Variants in ADAMTS3 observed in about 807,000 individuals in gnomAD.
The protein encoded by ADAMTS3 is ADAM metallopeptidase with thrombospondin type 1 motif 3.
In ADAMTS3, 73 loss-of-function variants were observed where a neutral mutation model predicts 129.0. The ratio of observed to expected loss-of-function variants is 0.57; its 90% CI spans 0.47 to 0.69. ADAMTS3 has a LOEUF of 0.69. ADAMTS3 is among the 30% of genes least tolerant of loss of function. ADAMTS3 has a pLI of 0.00. For missense variants in ADAMTS3, 1,457 were observed against 1,514.5 expected (o/e 0.96, Z 0.63); for synonymous variants, 477 against 510.8 (o/e 0.93, Z 0.89).
Position 72,283,032 on chromosome 4 carries a change from C to T in ADAMTS3, c.*104G>A, listed in dbSNP as rs1718393000. On this transcript the variant is annotated 3_prime_UTR_variant, in exon 22 of 22. Transcript: ENST00000286657. ...TTCTTCCAATTACAGATAAAATGAG[C>T]TGACGATCTATAGAGATTTCCACTT... 1 of 986,238 alleles carries T rather than the reference C, an allele frequency of 1.0e-6. No individual in the cohort carries two copies. Among genetic ancestry groups the T allele is most frequent in the African/African-American group, 1.6e-5 (1 of 61,300 alleles). 61.1% of individuals were successfully genotyped at this position (986,238 alleles called of 1,614,324 possible). A position where few individuals can be genotyped will look rare whatever the true frequency, so the allele number is the denominator to read the frequency against.
At chr4:72,531,742 AC>A (rs923703132) in intron 3 of ADAMTS3, among the ~76,000 whole-genome samples, 3 of 152,160 alleles carry the variant, frequency 2.0e-5, no homozygotes, top group African/African-American at 7.2e-5. Context: ...CCACCAAATA[AC>A]AGCACCAATA....
At chr4:72,418,939 C>A (rs62319883) in intron 3 of ADAMTS3, among the ~76,000 whole-genome samples, 11,526 of 152,192 alleles carry the variant, frequency 0.076, 560 homozygotes, top group Non-Finnish European at 0.1. Context: ...TTTTCTTTTT[C>A]TTTTTCTATT....
chr4:72,403,144 T>A (rs925870487), intron 4 of ADAMTS3, among the ~76,000 whole-genome samples: 2 of 152,064 alleles, frequency 1.3e-5, no homozygotes, highest in Non-Finnish European at 2.9e-5. Flanking sequence ...TTTCCTTTGT[T>A]TTTGCCAAGA....
At chr4:72,415,929 G>A (rs918809476) in intron 3 of ADAMTS3, among the ~76,000 whole-genome samples, 2 of 151,550 alleles carry the variant, frequency 1.3e-5, no homozygotes, top group Non-Finnish European at 2.9e-5. Flanking sequence ...TAATGTCTTA[G>A]TGTGGAAACT....
At chr4:72,333,340 TAACA>T (rs1719898906) in intron 5 of ADAMTS3, among the ~76,000 whole-genome samples, 1 of 152,092 alleles carries the variant, frequency 6.6e-6, no homozygotes, top group Non-Finnish European at 1.5e-5. Context: ...ATGGTACCAT[TAACA>T]AACAGAATGT....
chr4:72,539,940 A>T (rs1402935056), intron 3 of ADAMTS3, among the ~76,000 whole-genome samples: 1 of 152,172 alleles, frequency 6.6e-6, no homozygotes, highest in Non-Finnish European at 1.5e-5. Context: ...CATCTGTATC[A>T]GCAGCGTGAA....
At chr4:72,360,940 T>C (rs1210421558) in intron 4 of ADAMTS3, among the ~76,000 whole-genome samples, 2 of 152,088 alleles carry the variant, frequency 1.3e-5, no homozygotes, top group African/African-American at 2.4e-5. Context: ...TGTTGAATAT[T>C]TGTATATGCT....
intron 3 of ADAMTS3, among the ~76,000 whole-genome samples, chr4:72,422,527 C>A (rs1365698485): frequency 6.6e-6 from 1 of 151,990 alleles, no homozygotes; most frequent in Admixed American, 6.6e-5. Context: ...CCTCTGACAG[C>A]ATTTCGGAGG....
At chr4:72,404,852 AC>A (rs1475314976) in intron 4 of ADAMTS3, among the ~76,000 whole-genome samples, 3 of 151,324 alleles carry the variant, frequency 2.0e-5, no homozygotes, top group South Asian at 4.2e-4. Flanking sequence ...ACACACACAC[AC>A]ACACACAAAA....
chr4:72,336,408 T>C (rs1719989785), intron 5 of ADAMTS3, among the ~76,000 whole-genome samples: 1 of 152,200 alleles, frequency 6.6e-6, no homozygotes, highest in Admixed American at 6.5e-5. Context: ...TGAACATCGT[T>C]AGAGAAAAAC....
rs543513972 is a variant in ADAMTS3, at chr4:72,315,411, G to A, written c.1599+447C>T. On this transcript the variant is annotated intron_variant, in intron 11 of 21. Transcript: ENST00000286657. ...CATGTATCCTTATAAGAGAGGGGTA[G>A]AAGGAGATTTGACCCATAAAGATGA... Among the ~76,000 whole-genome samples, 15 of 152,292 alleles carry A rather than the reference G, an allele frequency of 9.8e-5. No homozygotes were observed. In the South Asian group the frequency reaches 2.7e-3, roughly 27 times the overall value.
At chr4:72,335,285 A>G (rs1358386327) in intron 5 of ADAMTS3, among the ~76,000 whole-genome samples, 2 of 152,094 alleles carry the variant, frequency 1.3e-5, no homozygotes, top group Non-Finnish European at 1.5e-5. Flanking sequence ...ATGCATCCAA[A>G]CACCCAGATT....
chr4:72,384,984 C>T (rs1009297616), intron 4 of ADAMTS3, among the ~76,000 whole-genome samples: 1 of 151,866 alleles, frequency 6.6e-6, no homozygotes, highest in Non-Finnish European at 1.5e-5. Context: ...CTGGCTAACA[C>T]CCTGAAACCC....
chr4:72,346,900 C>T lies in ADAMTS3; in HGVS notation c.662-7207G>A, dbSNP rs114679922. 6.3e-3 allele frequency among the ~76,000 whole-genome samples: 965 copies of T among 152,228 alleles called. 14 individuals are homozygous for T. Among genetic ancestry groups the T allele is most frequent in the African/African-American group, 0.022 (933 of 41,554 alleles). ...TTCCATCTTCAGCTCTAGCAGTGCA[C>T]ATTCACCTGGCATGGCCAAGTAGCA... is the stretch of plus-strand genomic sequence containing the variant. On this transcript the variant is annotated intron_variant, in intron 4 of 21. Transcript: ENST00000286657.
At chr4:72,412,525 T>C (rs963790239) in intron 4 of ADAMTS3, among the ~76,000 whole-genome samples, 4 of 152,062 alleles carry the variant, frequency 2.6e-5, no homozygotes, top group Admixed American at 2.0e-4. Flanking sequence ...CTGAATCACT[T>C]GTTCCCCTAG....
At chr4:72,400,238 T>C (rs1449418082) in intron 4 of ADAMTS3, among the ~76,000 whole-genome samples, 3 of 146,472 alleles carry the variant, frequency 2.0e-5, no homozygotes, top group Non-Finnish European at 4.5e-5. Flanking sequence ...TGTGTATATA[T>C]GCACACATGG....
chr4:72,408,056 A>G (rs1578654270), intron 4 of ADAMTS3, among the ~76,000 whole-genome samples: 1 of 152,216 alleles, frequency 6.6e-6, no homozygotes, highest in Admixed American at 6.5e-5. Flanking sequence ...AGTATCTAGA[A>G]AGAACAAAAG....
intron 4 of ADAMTS3, among the ~76,000 whole-genome samples, chr4:72,386,651 C>T (rs191726973): frequency 9.7e-4 from 147 of 152,266 alleles, no homozygotes; most frequent in Non-Finnish European, 1.3e-3. Flanking sequence ...CAGACAAACA[C>T]ACAGAGCACC....
chr4:72,487,032 TA>T (rs1719608698), intron 3 of ADAMTS3, among the ~76,000 whole-genome samples: 1 of 152,122 alleles, frequency 6.6e-6, no homozygotes, highest in African/African-American at 2.4e-5. Context: ...ACTTTTACTT[TA>T]CAGAAGAGAA....
Sources: allele counts gnomAD v4.1 joint callset (sites outside exome capture counted in the v4.1 genomes callset), GRCh38; gene constraint gnomAD v4.1.1; transcripts MANE v1.5; gene names NCBI Gene and HGNC (gene_info 2026-07-23, HGNC 2026-07-21).